Variants in ADAMTS6 observed in about 807,000 individuals in gnomAD.
ADAMTS6 encodes A disintegrin and metalloproteinase with thrombospondin motifs 6.
A neutral mutation model predicts 144.3 loss-of-function variants in ADAMTS6; 23 were observed. That is an observed-to-expected ratio of 0.16 (90% CI 0.11 to 0.23). The LOEUF is 0.23. ADAMTS6 is among the 10% of genes least tolerant of loss of function. The probability of loss-of-function intolerance (pLI) is 1.00; values close to 1 mark genes in which losing one functional copy is unlikely to be tolerated. For synonymous variants in ADAMTS6, 444 were observed against 457.5 expected, an observed-to-expected ratio of 0.97 and a Z score of 0.38; for missense variants, 999 against 1,379.6, an observed-to-expected ratio of 0.72 and a Z score of 4.37.
chr5:65,355,953 A>T (rs1046131968), intron 7 of ADAMTS6, among the ~76,000 whole-genome samples: 4 of 151,762 alleles, frequency 2.6e-5, no homozygotes, highest in African/African-American at 9.7e-5. Context: ...GTTTCCTGTT[A>T]TCCCCTAATT....
At chr5:65,418,086 C>T (rs545635805) in intron 7 of ADAMTS6, among the ~76,000 whole-genome samples, 12 of 152,136 alleles carry the variant, frequency 7.9e-5, no homozygotes, top group South Asian at 2.1e-4. Flanking sequence ...ACCACCTGAT[C>T]GTCAACAAAA....
intron 8 of ADAMTS6, among the ~76,000 whole-genome samples, chr5:65,333,587 CTTCA>C (rs1177165403): frequency 6.6e-6 from 1 of 150,756 alleles, no homozygotes; most frequent in African/African-American, 2.4e-5. Flanking sequence ...CTTGGTGCCT[CTTCA>C]TTAAGTATCC....
At chr5:65,235,669 C>T (rs944688154) in intron 15 of ADAMTS6, among the ~76,000 whole-genome samples, 2 of 152,142 alleles carry the variant, frequency 1.3e-5, no homozygotes, top group African/African-American at 4.8e-5. Flanking sequence ...CATTTGACTC[C>T]AAATTCTTCA....
intron 6 of ADAMTS6, 83 bp downstream of exon 6, chr5:65,452,050 A>C (rs1260453425): frequency 9.3e-7 from 1 of 1,078,736 alleles, no homozygotes; most frequent in Non-Finnish European, 1.3e-6. Context: ...CAATAATAAA[A>C]CATATTATTT....
intron 9 of ADAMTS6, among the ~76,000 whole-genome samples, chr5:65,321,977 A>T (rs1412551060): frequency 6.6e-6 from 1 of 151,708 alleles, no homozygotes; most frequent in Admixed American, 6.6e-5. Flanking sequence ...CAGCCTCCCA[A>T]AGTGTTGGGA....
In ADAMTS6 at chr5:65,385,151, G is replaced by A. The variant is rs57686062; in HGVS notation, c.1074-51066C>T. ...AAGATGTGAATTTCAGGGGCAGGGA[G>A]GGACATACATTCAGATCATAGCACA... On this transcript the variant is annotated intron_variant, in intron 7 of 24. Coordinates refer to ENST00000381055, the MANE Select transcript of ADAMTS6 (RefSeq NM_197941.4). Among the ~76,000 whole-genome samples the A allele has an allele frequency of 1.4e-4, 22 of 152,228 alleles. No homozygotes were observed. The East Asian group carries it at 3.7e-3, about 25-fold the overall frequency.
intron 11 of ADAMTS6, among the ~76,000 whole-genome samples, chr5:65,289,191 A>G (rs1460729926): frequency 1.3e-5 from 2 of 152,172 alleles, no homozygotes; most frequent in Admixed American, 6.6e-5. Flanking sequence ...AAGTTTTCCA[A>G]TTTTAGTTTG....
chr5:65,344,871 T>G (rs938442533), intron 7 of ADAMTS6, among the ~76,000 whole-genome samples: 13 of 151,868 alleles, frequency 8.6e-5, no homozygotes, highest in African/African-American at 3.1e-4. Flanking sequence ...CTGACTAAAC[T>G]TTCTTCGGCT....
intron 11 of ADAMTS6, among the ~76,000 whole-genome samples, chr5:65,284,930 C>T (rs1382298120): frequency 6.6e-6 from 1 of 152,020 alleles, no homozygotes; most frequent in Non-Finnish European, 1.5e-5. Flanking sequence ...TTATAAGCAC[C>T]CTCTAGTATA....
intron 7 of ADAMTS6, among the ~76,000 whole-genome samples, chr5:65,335,333 T>C (rs140908703): frequency 6.6e-6 from 1 of 152,296 alleles, no homozygotes; most frequent in East Asian, 1.9e-4. Context: ...TGGTAAGCCA[T>C]GGGACTGCAA....
intron 15 of ADAMTS6, among the ~76,000 whole-genome samples, chr5:65,236,903 G>A (rs1367835514): frequency 2.0e-5 from 3 of 151,914 alleles, no homozygotes; most frequent in Admixed American, 6.6e-5. Context: ...TAATAAAATT[G>A]ATAAATCCCA....
chr5:65,428,598 T>C (rs962054839), intron 7 of ADAMTS6, among the ~76,000 whole-genome samples: 1 of 152,224 alleles, frequency 6.6e-6, no homozygotes, highest in African/African-American at 2.4e-5. Flanking sequence ...CTCCTCAGTT[T>C]ACATGCTACA....
At position 65,291,879 on chromosome 5, in the gene ADAMTS6, A is replaced by T. The variant is rs564649430; in HGVS notation, c.1371-409T>A. 1.9e-4 allele frequency among the ~76,000 whole-genome samples: 29 copies of T among 152,328 alleles called. No homozygotes were observed. The East Asian group carries it at 5.4e-3, about 28-fold the overall frequency. The stretch of plus-strand genomic sequence containing the variant: ...AAATAATTATGGTTATAATCCTTAA[A>T]GACCTAATTTATATAGTTCCACCTT... On this transcript the variant is annotated intron_variant, in intron 10 of 24. Coordinates refer to ENST00000381055, the MANE Select transcript of ADAMTS6 (RefSeq NM_197941.4).
intron 7 of ADAMTS6, among the ~76,000 whole-genome samples, chr5:65,431,220 A>T (rs1003063049): frequency 6.6e-6 from 1 of 152,058 alleles, no homozygotes; most frequent in East Asian, 1.9e-4. Context: ...TATGTCTCAT[A>T]GGCTTTGGTT....
At chr5:65,238,082 T>C (rs993649367) in intron 15 of ADAMTS6, among the ~76,000 whole-genome samples, 1 of 150,408 alleles carries the variant, frequency 6.6e-6, no homozygotes, top group African/African-American at 2.4e-5. Context: ...CAAGACTCTC[T>C]CTCAAAAAAA....
intron 7 of ADAMTS6, among the ~76,000 whole-genome samples, chr5:65,422,205 G>T (rs970741609): frequency 1.3e-5 from 2 of 152,204 alleles, no homozygotes; most frequent in Non-Finnish European, 2.9e-5. Context: ...TGAAAAAACT[G>T]CTCAACATCA....
At chr5:65,425,280 A>G (rs1756412877) in intron 7 of ADAMTS6, among the ~76,000 whole-genome samples, 1 of 152,188 alleles carries the variant, frequency 6.6e-6, no homozygotes, top group African/African-American at 2.4e-5. Context: ...CGCCAGCCTC[A>G]GCCTCCCAAA....
chr5:65,367,193 G>A (rs534980934), intron 7 of ADAMTS6, among the ~76,000 whole-genome samples: 1 of 152,204 alleles, frequency 6.6e-6, no homozygotes, highest in East Asian at 1.9e-4. Flanking sequence ...GCATACACAG[G>A]ATGCTGTTAC....
intron 7 of ADAMTS6, among the ~76,000 whole-genome samples, chr5:65,396,786 T>C (rs538033600): frequency 2.0e-5 from 3 of 152,372 alleles, no homozygotes; most frequent in South Asian, 2.1e-4. Flanking sequence ...ATAAGAGATA[T>C]TGGTCTGCAT....
Sources: gnomAD v4.1 joint callset for allele counts (sites outside exome capture counted in the v4.1 genomes callset) on GRCh38, gnomAD v4.1.1 for gene constraint, MANE v1.5 for transcripts, NCBI Gene and HGNC (gene_info 2026-07-23, HGNC 2026-07-21) for gene names.